The following MAN2A1 variants were observed in gnomAD, a reference collection of about 807,000 sequenced individuals.
MAN2A1 encodes the protein mannosidase alpha class 2A member 1, also known as alpha-mannosidase 2.
In MAN2A1, 76 loss-of-function variants were observed where a neutral mutation model predicts 142.6. That is an observed-to-expected ratio of 0.53 (90% CI 0.44 to 0.65). The LOEUF (loss-of-function observed/expected upper bound fraction) is 0.65, where lower values mean the gene tolerates loss of function less well. MAN2A1 is among the 30% of genes least tolerant of loss of function. The pLI, the probability that MAN2A1 is intolerant of heterozygous loss-of-function variation, is 0.00. For missense variants in MAN2A1, 1,311 were observed against 1,365.1 expected, an observed-to-expected ratio of 0.96 and a Z score of 0.62; for synonymous variants, 559 against 473.2, an observed-to-expected ratio of 1.18 and a Z score of -2.35.
chr5:109,792,515 T>C (rs1753761434), intron 12 of MAN2A1, among the ~76,000 whole-genome samples: 1 of 152,168 alleles, frequency 6.6e-6, no homozygotes, highest in South Asian at 2.1e-4. Flanking sequence ...TTCAGCATTC[T>C]CTAGGTACTT....
chr5:109,743,920 T>G (rs1752335330), intron 4 of MAN2A1, among the ~76,000 whole-genome samples: 1 of 152,144 alleles, frequency 6.6e-6, no homozygotes, highest in Non-Finnish European at 1.5e-5. Context: ...CATCCTTATC[T>G]CCAGTCACTT....
At chr5:109,713,457 G>A in intron 1 of MAN2A1, 63 bp from the exon 2 acceptor site, 2 of 1,388,390 alleles carry the variant, frequency 1.4e-6, no homozygotes, top group East Asian at 4.7e-5. Flanking sequence ...AAAAAAAAAT[G>A]TGTATGCCTC....
At chr5:109,795,701 C>T (rs1245314494) in intron 12 of MAN2A1, among the ~76,000 whole-genome samples, 1 of 152,198 alleles carries the variant, frequency 6.6e-6, no homozygotes, top group Non-Finnish European at 1.5e-5. Flanking sequence ...TTCATAATGT[C>T]TACCCCCAAG....
At chr5:109,728,284 A>G (rs1582830040) in intron 3 of MAN2A1, among the ~76,000 whole-genome samples, 1 of 152,178 alleles carries the variant, frequency 6.6e-6, no homozygotes, top group African/African-American at 2.4e-5. Context: ...GCCAGCAAAT[A>G]TAGTATACAT....
chr5:109,849,380 A>G (rs1326712377), intron 19 of MAN2A1, among the ~76,000 whole-genome samples: 10 of 152,186 alleles, frequency 6.6e-5, no homozygotes, highest in African/African-American at 2.4e-4. Context: ...AGTTTGACAT[A>G]TCCAAAACAC....
At chr5:109,703,493 CTTCATG>C (rs1280153699) in intron 1 of MAN2A1, among the ~76,000 whole-genome samples, 1 of 152,136 alleles carries the variant, frequency 6.6e-6, no homozygotes, top group African/African-American at 2.4e-5. Flanking sequence ...TCACATGAAC[CTTCATG>C]CAAGTTCTTG....
At chr5:109,741,622 C>G (rs185243538) in intron 4 of MAN2A1, among the ~76,000 whole-genome samples, 1 of 152,108 alleles carries the variant, frequency 6.6e-6, no homozygotes, top group African/African-American at 2.4e-5. Context: ...CTTTCATTGT[C>G]CCTGAAGAAT....
intron 16 of MAN2A1, among the ~76,000 whole-genome samples, chr5:109,827,534 T>C (rs1754788624): frequency 6.6e-6 from 1 of 152,144 alleles, no homozygotes; most frequent in African/African-American, 2.4e-5. Flanking sequence ...TGAAACAGAG[T>C]TGAGAGGCCG....
At chr5:109,822,787 C>T (rs1165059994) in intron 15 of MAN2A1, among the ~76,000 whole-genome samples, 1 of 152,110 alleles carries the variant, frequency 6.6e-6, no homozygotes, top group Non-Finnish European at 1.5e-5. Flanking sequence ...ACGCCATTTT[C>T]CTGCCTCAGC....
At chr5:109,799,679 A>C (rs963699833) in intron 12 of MAN2A1, among the ~76,000 whole-genome samples, 4 of 151,444 alleles carry the variant, frequency 2.6e-5, no homozygotes, top group African/African-American at 9.7e-5. Context: ...ACTTGAACCC[A>C]TGAGGTGGAG....
intron 4 of MAN2A1, among the ~76,000 whole-genome samples, chr5:109,734,750 T>G (rs1486067396): frequency 6.6e-6 from 1 of 152,166 alleles, no homozygotes; most frequent in Non-Finnish European, 1.5e-5. Flanking sequence ...TTGTTATAAT[T>G]TCTGTTCTTT....
chr5:109,712,693 AT>A lies in MAN2A1; in HGVS notation c.136-826del, dbSNP rs1193870614. Among the ~76,000 whole-genome samples, 10 of 152,282 alleles carry A rather than the reference AT, an allele frequency of 6.6e-5. 1 individual carries two copies. The South Asian group carries it at 1.7e-3, about 25-fold the overall frequency. On this transcript the variant is annotated intron_variant, in intron 1 of 21. Transcript: ENST00000261483. ...GTTCAAAGACAGGGGCCCGTATCTT[AT>A]GCATGTCTTCCTAGCATACATGCCT...
At chr5:109,804,130 G>A in intron 12 of MAN2A1, 12 of 985,582 alleles carry the variant, frequency 1.2e-5, no homozygotes, top group Non-Finnish European at 1.4e-5. Context: ...TTCTGAACTA[G>A]ATTTTTTTTC....
chr5:109,817,528 C>T, intron 13 of MAN2A1, 90 bp downstream of exon 13: 1 of 1,294,266 alleles, frequency 7.7e-7, no homozygotes. Flanking sequence ...CCCATTTAGC[C>T]ATCATGTTGG....
At chr5:109,775,067 G>T in intron 8 of MAN2A1, 102 bp downstream of exon 8, 1 of 730,044 alleles carries the variant, frequency 1.4e-6, no homozygotes, top group Non-Finnish European at 2.2e-6. Flanking sequence ...ACATCACAGT[G>T]CTTCTTAGAA....
intron 12 of MAN2A1, among the ~76,000 whole-genome samples, chr5:109,802,435 G>A (rs1754055901): frequency 1.3e-5 from 2 of 152,052 alleles, no homozygotes; most frequent in South Asian, 4.1e-4. Flanking sequence ...TTTTTTCAGA[G>A]CTTTTTGGAT....
chr5:109,827,602 C>T (rs537365230), intron 16 of MAN2A1, among the ~76,000 whole-genome samples: 29 of 152,336 alleles, frequency 1.9e-4, no homozygotes, highest in Middle Eastern at 3.4e-3. Flanking sequence ...TCTCTATCTG[C>T]ATTCTCTCCA....
At chr5:109,808,382 AAC>A (rs1347393782) in intron 12 of MAN2A1, among the ~76,000 whole-genome samples, 7 of 152,174 alleles carry the variant, frequency 4.6e-5, no homozygotes, top group African/African-American at 9.7e-5. Flanking sequence ...AACTATTAAC[AAC>A]AGTTTCTTTT....
chr5:109,793,134 A>G (rs17423051), intron 12 of MAN2A1, among the ~76,000 whole-genome samples: 3,020 of 152,206 alleles, frequency 0.02, 52 homozygotes, highest in Non-Finnish European at 0.027. Context: ...CAGTTCACCT[A>G]TAGGCTACCT....
Sources: gnomAD v4.1 joint callset for allele counts (sites outside exome capture counted in the v4.1 genomes callset) on GRCh38, gnomAD v4.1.1 for gene constraint, MANE v1.5 for transcripts, NCBI Gene and HGNC (gene_info 2026-07-23, HGNC 2026-07-21) for gene names.